Variants in EFL1 observed in about 807,000 individuals in gnomAD.
EFL1 encodes elongation factor like GTPase 1.
EFL1 carries 76 observed loss-of-function variants against 126.7 expected under a neutral mutation model. That is an observed-to-expected ratio of 0.60 (90% CI 0.50 to 0.73). The LOEUF (loss-of-function observed/expected upper bound fraction) is 0.73, where lower values mean the gene tolerates loss of function less well. EFL1 is among the 30% of genes least tolerant of loss of function. The pLI, the probability that EFL1 is intolerant of heterozygous loss-of-function variation, is 0.00. For missense variants in EFL1, 1,128 were observed against 1,343.2 expected (o/e 0.84, Z 2.50); for synonymous variants, 410 against 448.4 (o/e 0.91, Z 1.08).
In EFL1 at chr15:82,222,329, A is replaced by T. The variant is rs142228442; in HGVS notation, c.1293-2100T>A. Among the ~76,000 whole-genome samples, 583 of 152,370 alleles carry T rather than the reference A, an allele frequency of 3.8e-3. 1 individual carries two copies. The highest frequency in any genetic ancestry group is 6.5e-3 in the Non-Finnish European group (444 of 68,030). ...ATATTAAATGGAGGAGCCATAATTC[A>T]AATCCAGATCTGTATGGCTCTGAAG... On this transcript the variant is annotated intron_variant, in intron 12 of 19. Coordinates refer to ENST00000268206, the MANE Select transcript of EFL1 (RefSeq NM_024580.6).
chr15:82,174,634 T>G (rs2074174621), intron 15 of EFL1, among the ~76,000 whole-genome samples: 1 of 152,180 alleles, frequency 6.6e-6, no homozygotes, highest in African/African-American at 2.4e-5. Context: ...CTTGGATTCC[T>G]ATCTGATAGG....
intron 15 of EFL1, among the ~76,000 whole-genome samples, chr15:82,199,562 T>A (rs563781263): frequency 6.6e-6 from 1 of 152,372 alleles, no homozygotes; most frequent in South Asian, 2.1e-4. Flanking sequence ...TCAAATCATT[T>A]ATTTGGTAAT....
rs1280955856 is a variant in EFL1, at chr15:82,253,732, A to T, written c.160-957T>A. 3.9e-5 allele frequency among the ~76,000 whole-genome samples: 6 copies of T among 152,302 alleles called. No individual in the cohort carries two copies. In the East Asian group the frequency reaches 9.6e-4, roughly 24 times the overall value. On this transcript the variant is annotated intron_variant, in intron 3 of 19. Coordinates refer to ENST00000268206, the MANE Select transcript of EFL1 (RefSeq NM_024580.6). ...AAAGAATACAGTAGAAAATATTTGT[A>T]ATATGACCATTTAGTTGATGACTTT...
intron 15 of EFL1, among the ~76,000 whole-genome samples, chr15:82,169,097 T>A (rs1264573906): frequency 6.6e-6 from 1 of 152,044 alleles, no homozygotes. Context: ...TGGAGCTTGG[T>A]TCTCATCAAG....
At chr15:82,195,206 T>C (rs1301023660) in intron 15 of EFL1, among the ~76,000 whole-genome samples, 1 of 152,172 alleles carries the variant, frequency 6.6e-6, no homozygotes, top group Non-Finnish European at 1.5e-5. Flanking sequence ...TCTGGATGTA[T>C]CTGAATTATG....
chr15:82,261,580 C>T, intron 2 of EFL1, 108 bp downstream of exon 2: 1 of 1,075,414 alleles, frequency 9.3e-7, no homozygotes, highest in Non-Finnish European at 1.3e-6. Flanking sequence ...AGAAGACTTG[C>T]TTCTTAGCAA....
intron 19 of EFL1, among the ~76,000 whole-genome samples, chr15:82,136,024 G>A (rs145409220): frequency 6.6e-6 from 1 of 151,812 alleles, no homozygotes; most frequent in Non-Finnish European, 1.5e-5. Flanking sequence ...TATATTTTGG[G>A]ATCCCTTTAT....
chr15:82,132,688 G>T lies in EFL1; in HGVS notation c.3175-2127C>A, dbSNP rs1043557218. Among the ~76,000 whole-genome samples the T allele has an allele frequency of 1.6e-5, 2 of 123,446 alleles. 1 individual carries two copies. The highest frequency in any genetic ancestry group is 5.9e-5 in the African/African-American group (2 of 33,732). The allele number at this position is 123,446 out of a possible 152,430, so 81.0% of individuals were successfully genotyped here. On this transcript the variant is annotated intron_variant, in intron 19 of 19. Transcript: ENST00000268206. ...GAGACAAGGTCCAGGAATTGGGGGG[G>T]GGGGGGGGTAGGCAGAGTGGCAGAC...
intron 3 of EFL1, among the ~76,000 whole-genome samples, chr15:82,256,270 C>T (rs933721313): frequency 2.6e-5 from 4 of 152,116 alleles, no homozygotes; most frequent in Admixed American, 6.5e-5. Flanking sequence ...CCACCATGCC[C>T]GGCACAGGTA....
Position 82,130,940 on chromosome 15 carries a change from G to A in EFL1, c.3175-379C>T, listed in dbSNP as rs150285687. Among the ~76,000 whole-genome samples, 991 of 152,120 alleles carry A rather than the reference G, an allele frequency of 6.5e-3. 12 individuals carry two copies. The highest frequency in any genetic ancestry group is 0.023 in the African/African-American group (939 of 41,476). ...TGAGGCAGAAGAATCACTTGAACTC[G>A]GGAGGCAGAAGTTGCAGTGAGCTGA... is the stretch of plus-strand genomic sequence containing the variant. On this transcript the variant is annotated intron_variant, in intron 19 of 19. Transcript: ENST00000268206.
rs879653871 is a variant in EFL1 at position 82,196,698 on chromosome 15, G to A, written c.1750+18019C>T. On this transcript the variant is annotated intron_variant, in intron 15 of 19. Transcript: ENST00000268206. The stretch of plus-strand genomic sequence containing the variant: ...GGCATGCAGTTGGTACTAAATAAAC[G>A]TTGGTTAAATCTAATTTGATATATC... Among the ~76,000 whole-genome samples the A allele has an allele frequency of 3.9e-5, 6 of 152,196 alleles. No individual in the cohort carries two copies. The South Asian group carries it at 6.2e-4, about 16-fold the overall frequency.
At chr15:82,214,442 C>T (rs1238895543) in intron 15 of EFL1, among the ~76,000 whole-genome samples, 2 of 151,938 alleles carry the variant, frequency 1.3e-5, no homozygotes, top group Non-Finnish European at 2.9e-5. Flanking sequence ...CAGGAATTTC[C>T]CCTCTCGCTC....
intron 14 of EFL1, among the ~76,000 whole-genome samples, chr15:82,218,617 A>G (rs1267479900): frequency 6.6e-6 from 1 of 152,242 alleles, no homozygotes; most frequent in Non-Finnish European, 1.5e-5. Context: ...CAAGATAATC[A>G]CAGATTACGT....
In EFL1 at chr15:82,262,681, G is replaced by C. The variant is rs530629081; in HGVS notation, c.-87C>G. The C allele has an allele frequency of 1.5e-4, 89 of 575,346 alleles. 1 individual carries two copies. The East Asian group carries it at 2.9e-3, about 19-fold the overall frequency. 35.6% of individuals were successfully genotyped at this position (575,346 alleles called of 1,614,324 possible). A position where few individuals can be genotyped will look rare whatever the true frequency, so the allele number is the denominator to read the frequency against. On this transcript the variant is annotated 5_prime_UTR_variant, in exon 1 of 20. Transcript: ENST00000268206. ...GCACCCACACCGAGAGCTTCCGAAAGTCCGAGAGCTCTGCGGGTCCGACAC... is the reference window on the plus strand; with the variant it reads ...GCACCCACACCGAGAGCTTCCGAAACTCCGAGAGCTCTGCGGGTCCGACAC...
intron 6 of EFL1, among the ~76,000 whole-genome samples, chr15:82,239,694 T>C (rs147901923): frequency 1.3e-5 from 2 of 152,302 alleles, no homozygotes; most frequent in Non-Finnish European, 2.9e-5. Flanking sequence ...CAATTTGCAG[T>C]TCCTTAAATG....
Position 82,219,663 on chromosome 15 carries a change from A to G in EFL1, c.1600T>C (p.Phe534Leu). 6.2e-7 allele frequency: 1 copy of G among 1,604,174 alleles called. No homozygotes were observed. Among genetic ancestry groups the G allele is most frequent in the South Asian group, 1.1e-5 (1 of 88,852 alleles). The change falls in exon 14 of 20, where the codon TTT (phenylalanine) becomes CTT (leucine). Residue 534 changes from phenylalanine (F) to leucine (L), a missense_variant. Physicochemically the swap from Phe to Leu is conservative, Grantham distance 22 (BLOSUM62 0). Coordinates refer to ENST00000268206, the MANE Select transcript of EFL1 (RefSeq NM_024580.6). ...CTTTCAATTCTTACCCTTCGTAAAA[A>G]CTCAAGAGGACTGTATTTGGGCCCC... ...VLGPKYSPLE[F>L]LRRVPLGFSA...
At chr15:82,155,517 TA>T (rs1388654030) in intron 17 of EFL1, among the ~76,000 whole-genome samples, 2 of 152,014 alleles carry the variant, frequency 1.3e-5, no homozygotes, top group Non-Finnish European at 2.9e-5. Context: ...TAAAAATAAA[TA>T]AATAAATAAA....
intron 18 of EFL1, among the ~76,000 whole-genome samples, chr15:82,149,159 T>C (rs1245104458): frequency 1.3e-5 from 2 of 152,188 alleles, no homozygotes; most frequent in African/African-American, 4.8e-5. Context: ...CTTCTTTTTC[T>C]TGCCATTAAA....
chr15:82,204,701 T>C (rs2074506470), intron 15 of EFL1, among the ~76,000 whole-genome samples: 2 of 152,222 alleles, frequency 1.3e-5, no homozygotes, highest in Admixed American at 6.5e-5. Flanking sequence ...AGCATGACCT[T>C]TGCTTGGCTC....
Sources: gnomAD v4.1 joint callset for allele counts (sites outside exome capture counted in the v4.1 genomes callset) on GRCh38, gnomAD v4.1.1 for gene constraint, MANE v1.5 for transcripts, NCBI Gene and HGNC (gene_info 2026-07-23, HGNC 2026-07-21) for gene names.